FRMD4B: variants seen among roughly 807,000 people sequenced by gnomAD.
The protein encoded by FRMD4B is FERM domain-containing protein 4B.
FRMD4B carries 74 observed loss-of-function variants against 141.5 expected under a neutral mutation model. The ratio of observed to expected loss-of-function variants is 0.52; its 90% CI spans 0.43 to 0.63. The LOEUF is 0.63. Among genes scored for constraint, FRMD4B ranks in the 30% least tolerant of loss-of-function variants. FRMD4B has a pLI of 0.00. For missense variants in FRMD4B, 1,366 were observed against 1,253.4 expected, an observed-to-expected ratio of 1.09 and a Z score of -1.36; for synonymous variants, 506 against 467.9, an observed-to-expected ratio of 1.08 and a Z score of -1.05.
chr3:69,402,149 G>A (rs527336807), intron 2 of FRMD4B, among the ~76,000 whole-genome samples: 29 of 152,082 alleles, frequency 1.9e-4, no homozygotes, highest in Non-Finnish European at 4.1e-4. Flanking sequence ...ACAGGCCTAG[G>A]GCAGGTATGG....
chr3:69,350,640 A>G (rs1443762092), intron 1 of FRMD4B, among the ~76,000 whole-genome samples: 4 of 152,174 alleles, frequency 2.6e-5, no homozygotes, highest in Admixed American at 6.5e-5. Flanking sequence ...AATACTGTGC[A>G]GCCATAAAGA....
chr3:69,435,365 A>G (rs28477656), intron 1 of FRMD4B, among the ~76,000 whole-genome samples: 1 of 152,176 alleles, frequency 6.6e-6, no homozygotes, highest in Non-Finnish European at 1.5e-5. Flanking sequence ...AGGTTAAAAA[A>G]AAAAAAAGGA....
intron 1 of FRMD4B, among the ~76,000 whole-genome samples, chr3:69,496,719 G>C (rs74924618): frequency 0.017 from 2,603 of 150,250 alleles, 73 homozygotes; most frequent in East Asian, 0.12. Context: ...GACATCATGA[G>C]TGTCCAGGCC....
chr3:69,338,555 C>G (rs1053796544), intron 1 of FRMD4B, among the ~76,000 whole-genome samples: 3 of 152,108 alleles, frequency 2.0e-5, no homozygotes, highest in Non-Finnish European at 4.4e-5. Flanking sequence ...AGCTGGAGGT[C>G]ATTATCATAA....
chr3:69,297,225 G>C (rs1701062317), intron 4 of FRMD4B, among the ~76,000 whole-genome samples: 1 of 152,170 alleles, frequency 6.6e-6, no homozygotes, highest in South Asian at 2.1e-4. Flanking sequence ...ATGTTCCAAA[G>C]ACCAGGCCAG....
intron 7 of FRMD4B, among the ~76,000 whole-genome samples, chr3:69,246,538 CTA>C (rs1408565890): frequency 6.6e-6 from 1 of 152,194 alleles, no homozygotes; most frequent in Non-Finnish European, 1.5e-5. Context: ...CATATCCTCT[CTA>C]TTCAGGGGAG....
chr3:69,474,958 T>C (rs951984954), intron 1 of FRMD4B, among the ~76,000 whole-genome samples: 3 of 152,296 alleles, frequency 2.0e-5, no homozygotes, highest in Non-Finnish European at 4.4e-5. Context: ...AAGAAGCGGC[T>C]TTCAAGCTTA....
At chr3:69,399,299 G>A (rs1278154583) in intron 2 of FRMD4B, among the ~76,000 whole-genome samples, 2 of 152,202 alleles carry the variant, frequency 1.3e-5, no homozygotes, top group Admixed American at 1.3e-4. Context: ...TTAATCCGCT[G>A]AGAAATCTGA....
chr3:69,373,903 T>A (rs541547566), intron 1 of FRMD4B, among the ~76,000 whole-genome samples: 31 of 152,252 alleles, frequency 2.0e-4, no homozygotes, highest in African/African-American at 7.2e-4. Flanking sequence ...AATAAATGCT[T>A]AAGATGAGCC....
chr3:69,397,007 G>GT (rs1361279935), intron 2 of FRMD4B, among the ~76,000 whole-genome samples: 6 of 152,084 alleles, frequency 3.9e-5, no homozygotes, highest in African/African-American at 1.4e-4. Context: ...AAGGAGTGAG[G>GT]TATATACTCA....
rs149481232 is a variant in FRMD4B, at chr3:69,414,002, C to A, written c.-1+18632G>T. Among the ~76,000 whole-genome samples, 373 of 152,216 alleles carry A rather than the reference C, an allele frequency of 2.5e-3. 1 individual carries two copies. The highest frequency in any genetic ancestry group is 8.7e-3 in the African/African-American group (360 of 41,534). ...GATTCTGGGATGTTTTGTTGAATTT[C>A]ATTTATTCTTACTAAGGATGATGCT... On this transcript the variant is annotated intron_variant, in intron 2 of 5. Transcript: ENST00000459638.
chr3:69,279,817 C>T (rs2093636660), intron 5 of FRMD4B, among the ~76,000 whole-genome samples: 1 of 149,186 alleles, frequency 6.7e-6, no homozygotes, highest in Non-Finnish European at 1.5e-5. Context: ...TCTTCCTTCC[C>T]ACTTCTGCAG....
intron 1 of FRMD4B, among the ~76,000 whole-genome samples, chr3:69,347,629 G>A (rs1261083980): frequency 3.3e-5 from 5 of 152,048 alleles, no homozygotes; most frequent in South Asian, 2.1e-4. Flanking sequence ...TATAACAAAC[G>A]GTCTCTCAGA....
At chr3:69,541,189 A>C (rs1161710739) in intron 1 of FRMD4B, 1 of 152,202 alleles carries the variant, frequency 6.6e-6, no homozygotes, top group Non-Finnish European at 1.5e-5. Context: ...TCCCGGAAAG[A>C]CTGCTGCCAT....
At chr3:69,249,864 T>C (rs1304974232) in intron 6 of FRMD4B, among the ~76,000 whole-genome samples, 179 bp downstream of exon 6, 2 of 152,214 alleles carry the variant, frequency 1.3e-5, no homozygotes, top group Non-Finnish European at 2.9e-5. Context: ...TATCACATTG[T>C]AGCTCATGCA....
At position 69,196,246 on chromosome 3, in the gene FRMD4B, A is replaced by C. The variant is rs777183086; in HGVS notation, c.1234+9T>G. The C allele has an allele frequency of 6.4e-7, 1 of 1,570,634 alleles. No individual in the cohort carries two copies. The highest frequency in any genetic ancestry group is 8.6e-7 in the Non-Finnish European group (1 of 1,164,962). On this transcript the variant is annotated intron_variant, in intron 14 of 22. Transcript: ENST00000398540. ...ATGGCTTGCACGTTCTCTAATCCCAAGATGTTACCTGAGGAGATTAAACTG... is the reference window on the plus strand; with the variant it reads ...ATGGCTTGCACGTTCTCTAATCCCACGATGTTACCTGAGGAGATTAAACTG...
At chr3:69,480,145 G>A (rs952659293) in intron 1 of FRMD4B, among the ~76,000 whole-genome samples, 7 of 152,096 alleles carry the variant, frequency 4.6e-5, no homozygotes, top group African/African-American at 1.4e-4. Context: ...CTTTGCCTTT[G>A]GTTTGAATTT....
chr3:69,244,249 G>C (rs914977666), intron 7 of FRMD4B, among the ~76,000 whole-genome samples: 1 of 152,124 alleles, frequency 6.6e-6, no homozygotes, highest in Non-Finnish European at 1.5e-5. Flanking sequence ...ATGCAAGAGA[G>C]AATGGAGCTG....
At chr3:69,421,693 A>G (rs775645392) in intron 2 of FRMD4B, among the ~76,000 whole-genome samples, 4 of 152,226 alleles carry the variant, frequency 2.6e-5, no homozygotes, top group Non-Finnish European at 4.4e-5. Flanking sequence ...TCACTTCCTC[A>G]GTCACAACAG....
Sources: allele counts gnomAD v4.1 joint callset (sites outside exome capture counted in the v4.1 genomes callset), GRCh38; gene constraint gnomAD v4.1.1; transcripts MANE v1.5; gene names NCBI Gene and HGNC (gene_info 2026-07-23, HGNC 2026-07-21).